ADD1: variants seen among roughly 807,000 people sequenced by gnomAD.
The protein encoded by ADD1 is adducin 1, also known as alpha-adducin.
Under a neutral mutation model 80.5 loss-of-function variants are expected in ADD1, and 24 were observed. That is an observed-to-expected ratio of 0.30 (90% CI 0.22 to 0.42). The LOEUF is 0.42. Among genes scored for constraint, ADD1 ranks in the 10% least tolerant of loss-of-function variants. ADD1 has a pLI of 1.00. For missense variants in ADD1, 948 were observed against 1,019.0 expected, an observed-to-expected ratio of 0.93 and a Z score of 0.95; for synonymous variants, 373 against 393.8, an observed-to-expected ratio of 0.95 and a Z score of 0.63.
intron 6 of ADD1, 135 bp from the exon 7 acceptor site, chr4:2,898,049 C>G (rs1472303933): frequency 5.0e-6 from 6 of 1,195,786 alleles, no homozygotes; most frequent in Non-Finnish European, 5.8e-6. Context: ...GTCTTAAGTT[C>G]ATAGATTGAT....
rs1272297933 is a variant in ADD1 at position 2,929,460 on chromosome 4, C to T, written c.*937C>T. The T allele has an allele frequency of 6.6e-6, 1 of 152,266 alleles. No individual in the cohort carries two copies. Among genetic ancestry groups the T allele is most frequent in the Non-Finnish European group, 1.5e-5 (1 of 68,128 alleles). 9.4% of individuals were successfully genotyped at this position (152,266 alleles called of 1,614,324 possible). ...CGAGGTGGAGGGTAGCCCTGGGGCC[C>T]CTCGACATCACCGTCATTGATGGAG... On this transcript the variant is annotated 3_prime_UTR_variant, in exon 16 of 16. Transcript: ENST00000683351.
At chr4:2,864,840 G>A (rs1485820122) in intron 1 of ADD1, among the ~76,000 whole-genome samples, 1 of 152,076 alleles carries the variant, frequency 6.6e-6, no homozygotes, top group African/African-American at 2.4e-5. Flanking sequence ...TTTAAGAGAT[G>A]GGGTCTTGCT....
intron 1 of ADD1, among the ~76,000 whole-genome samples, chr4:2,855,892 G>C (rs575079983): frequency 2.6e-5 from 4 of 151,698 alleles, no homozygotes; most frequent in East Asian, 1.9e-4. Flanking sequence ...GTTGAAACAG[G>C]GTTTTGCCAT....
Position 2,908,624 on chromosome 4 carries a change from C to G in ADD1, c.1698+20C>G. 2 of 1,607,484 alleles carry G rather than the reference C, an allele frequency of 1.2e-6. No homozygotes were observed. On this transcript the variant is annotated intron_variant, in intron 12 of 15. Coordinates refer to ENST00000683351, the MANE Select transcript of ADD1 (RefSeq NM_001354761.2). ...GTCCAGGTGAGAGCCCAGAGTGTCT[C>G]TGACTTTAGTGGGTGGTGGCTGTGT...
chr4:2,883,059 G>A (rs993451663), intron 3 of ADD1, among the ~76,000 whole-genome samples: 18 of 151,968 alleles, frequency 1.2e-4, no homozygotes, highest in Non-Finnish European at 4.4e-5. Flanking sequence ...GACGGATTTC[G>A]CCATGTTGGC....
intron 1 of ADD1, among the ~76,000 whole-genome samples, chr4:2,861,987 A>G (rs7654786): frequency 0.2 from 30,719 of 152,186 alleles, 3,364 homozygotes; most frequent in East Asian, 0.48. Context: ...GCCCGAGACA[A>G]TTCTTCTTCC....
intron 10 of ADD1, among the ~76,000 whole-genome samples, chr4:2,906,441 A>C (rs1737084807): frequency 6.6e-6 from 1 of 152,080 alleles, no homozygotes; most frequent in Non-Finnish European, 1.5e-5. Flanking sequence ...TGTGAAGCAC[A>C]GTGCTGAATT....
intron 1 of ADD1, among the ~76,000 whole-genome samples, chr4:2,861,792 G>A (rs916021574): frequency 1.6e-4 from 24 of 152,062 alleles, no homozygotes; most frequent in African/African-American, 5.3e-4. Flanking sequence ...TGGTGGAGGT[G>A]GTATTTAGAG....
intron 1 of ADD1, among the ~76,000 whole-genome samples, chr4:2,871,799 A>G (rs1396659268): frequency 6.6e-6 from 1 of 152,234 alleles, no homozygotes; most frequent in East Asian, 1.9e-4. Flanking sequence ...ATATAATCCT[A>G]GTAATACTAC....
intron 14 of ADD1, among the ~76,000 whole-genome samples, chr4:2,923,410 C>T (rs1486174817): frequency 6.6e-6 from 1 of 152,234 alleles, no homozygotes; most frequent in African/African-American, 2.4e-5. Context: ...CGACTCCTTG[C>T]ACTTCCTGGG....
At chr4:2,854,274 A>G (rs964253531) in intron 1 of ADD1, among the ~76,000 whole-genome samples, 5 of 152,214 alleles carry the variant, frequency 3.3e-5, no homozygotes, top group Non-Finnish European at 5.9e-5. Flanking sequence ...CAGTGAGCCA[A>G]GATCATGCCA....
intron 2 of ADD1, among the ~76,000 whole-genome samples, chr4:2,877,922 G>A (rs143305918): frequency 1.3e-5 from 2 of 152,180 alleles, no homozygotes; most frequent in African/African-American, 2.4e-5. Flanking sequence ...AGTTGTGATC[G>A]TGCCAGTGCA....
At chr4:2,915,494 A>C (rs1242586429) in intron 14 of ADD1, among the ~76,000 whole-genome samples, 1 of 152,204 alleles carries the variant, frequency 6.6e-6, no homozygotes, top group Non-Finnish European at 1.5e-5. Flanking sequence ...AAAAAAAATT[A>C]GCCGGATGTG....
chr4:2,867,178 T>G (rs1729677681), intron 1 of ADD1, among the ~76,000 whole-genome samples: 1 of 152,170 alleles, frequency 6.6e-6, no homozygotes, highest in Non-Finnish European at 1.5e-5. Context: ...GTGAGAACAT[T>G]GTTCTCTGCA....
intron 1 of ADD1, among the ~76,000 whole-genome samples, chr4:2,868,991 G>T (rs1478688460): frequency 6.6e-6 from 1 of 152,164 alleles, no homozygotes; most frequent in Non-Finnish European, 1.5e-5. Context: ...GAAATCAGAC[G>T]ACGGTTGACT....
chr4:2,911,446 A>AT (rs1242451797), intron 13 of ADD1, among the ~76,000 whole-genome samples: 1,410 of 126,850 alleles, frequency 0.011, 12 homozygotes, highest in African/African-American at 0.025. Flanking sequence ...ATATATATAT[A>AT]TATTTTTTTT....
chr4:2,895,649 T>G (rs568922097), intron 6 of ADD1, among the ~76,000 whole-genome samples: 1 of 152,180 alleles, frequency 6.6e-6, no homozygotes, highest in South Asian at 2.1e-4. Flanking sequence ...GAGGCTTAGC[T>G]TCCAAGCTGC....
chr4:2,847,540 C>T (rs1361262688), intron 1 of ADD1, among the ~76,000 whole-genome samples: 3 of 152,234 alleles, frequency 2.0e-5, no homozygotes, highest in Admixed American at 2.0e-4. Flanking sequence ...GTACACATTT[C>T]AGTCTCAGAA....
intron 4 of ADD1, among the ~76,000 whole-genome samples, chr4:2,885,430 C>T (rs1299341115): frequency 6.6e-6 from 1 of 152,180 alleles, no homozygotes; most frequent in Non-Finnish European, 1.5e-5. Flanking sequence ...TAAGCCTTCT[C>T]TACTATCTTT....
Sources: allele counts gnomAD v4.1 joint callset (sites outside exome capture counted in the v4.1 genomes callset), GRCh38; gene constraint gnomAD v4.1.1; transcripts MANE v1.5; gene names NCBI Gene and HGNC (gene_info 2026-07-23, HGNC 2026-07-21).